PAN3: variants seen among roughly 807,000 people sequenced by gnomAD.
PAN3 encodes PAN2-PAN3 deadenylation complex subunit PAN3.
In PAN3, 19 loss-of-function variants were observed where a neutral mutation model predicts 96.2. The ratio of observed to expected loss-of-function variants is 0.20; its 90% CI spans 0.14 to 0.29. The LOEUF (loss-of-function observed/expected upper bound fraction) is 0.29, where lower values mean the gene tolerates loss of function less well. Ranked by LOEUF, PAN3 falls within the 10% of genes least tolerant of loss-of-function variation. The probability of loss-of-function intolerance (pLI) is 1.00; values close to 1 mark genes in which losing one functional copy is unlikely to be tolerated. For synonymous variants in PAN3, 433 were observed against 406.6 expected (o/e 1.06, Z -0.78); for missense variants, 882 against 1,108.1 (o/e 0.80, Z 2.90).
intron 5 of PAN3, among the ~76,000 whole-genome samples, chr13:28,214,296 T>C (rs1451972781): frequency 1.3e-5 from 2 of 152,190 alleles, no homozygotes; most frequent in Non-Finnish European, 2.9e-5. Flanking sequence ...TTATTTGTAA[T>C]AGCCAAAACT....
In PAN3 at chr13:28,261,450, A is replaced by G; in HGVS notation, c.1403A>G (p.Asp468Gly). The stretch of plus-strand genomic sequence containing the variant: ...ACAATGGCTCAAATTGATCAAGCAG[A>G]TATGCCAGGTAAAAAGCAAGTTGAT... ...LITMAQIDQADMPAVPTEVDS... is the reference protein window; with the variant it reads ...LITMAQIDQAGMPAVPTEVDS... Residue 468 changes from aspartate (D) to glycine (G), a missense_variant, in exon 9 of 19, where the codon GAT (aspartate) becomes GGT (glycine). This residue lies in a region of PAN3 where 364 missense variants were observed against 513.6 expected (regional missense o/e 0.71). Transcript: ENST00000380958. 6.2e-7 allele frequency: 1 copy of G among 1,610,608 alleles called. No homozygotes were observed. The highest frequency in any genetic ancestry group is 8.5e-7 in the Non-Finnish European group (1 of 1,178,054).
intron 1 of PAN3, among the ~76,000 whole-genome samples, chr13:28,166,958 GAGT>G (rs1230929633): frequency 6.6e-6 from 1 of 152,162 alleles, no homozygotes; most frequent in Non-Finnish European, 1.5e-5. Context: ...CTGTGGTAGG[GAGT>G]AGCAGCCTTG....
At chr13:28,285,050 T>A (rs1348362433) in intron 17 of PAN3, among the ~76,000 whole-genome samples, 1 of 152,196 alleles carries the variant, frequency 6.6e-6, no homozygotes, top group East Asian at 1.9e-4. Flanking sequence ...CTTTATATAG[T>A]TATAGCAATA....
intron 1 of PAN3, among the ~76,000 whole-genome samples, chr13:28,163,934 A>G (rs1019251786): frequency 1.3e-5 from 2 of 152,130 alleles, no homozygotes; most frequent in African/African-American, 4.8e-5. Flanking sequence ...TAATTAAACG[A>G]AAAGTTTTAT....
intron 1 of PAN3, among the ~76,000 whole-genome samples, chr13:28,152,132 T>G (rs1245570484): frequency 6.6e-6 from 1 of 152,188 alleles, no homozygotes; most frequent in Admixed American, 6.5e-5. Flanking sequence ...GCCATATATA[T>G]ATTTGCATAC....
Position 28,197,231 on chromosome 13 carries a change from T to A in PAN3, c.737T>A (p.Met246Lys), listed in dbSNP as rs989918874. The A allele has an allele frequency of 1.2e-6, 2 of 1,613,542 alleles. No homozygotes were observed. Among genetic ancestry groups the A allele is most frequent in the Non-Finnish European group, 1.7e-6 (2 of 1,179,748 alleles). Residue 246 changes from methionine (M) to lysine (K), a missense_variant, in exon 5 of 19, where the codon ATG becomes AAG. Transcript: ENST00000380958. Reference protein sequence around the residue: ...LGMLEERLVPMGSKARKAKNP... With the variant: ...LGMLEERLVPKGSKARKAKNP... ...ATGCTGGAGGAGAGGCTAGTTCCGATGGGATCAAAGGCACGAAAAGCAAAG... is the reference window on the plus strand; with the variant it reads ...ATGCTGGAGGAGAGGCTAGTTCCGAAGGGATCAAAGGCACGAAAAGCAAAG...
chr13:28,215,871 GCC>G lies in PAN3; in HGVS notation c.853-4358_853-4357del, dbSNP rs1306474225. ...TGGAGCTGGCAAGGTCACCAGGTTT[GCC>G]CAGAAATCTCAGAAGGCTAAATGAA... On this transcript the variant is annotated intron_variant, in intron 5 of 18. Transcript: ENST00000380958. 41 of 1,362,248 alleles carry G rather than the reference GCC, an allele frequency of 3.0e-5. No individual in the cohort carries two copies. The Admixed American group carries it at 6.6e-4, about 22-fold the overall frequency. 84.4% of individuals were successfully genotyped at this position (1,362,248 alleles called of 1,614,324 possible).
chr13:28,253,149 A>G (rs567788208), intron 6 of PAN3, among the ~76,000 whole-genome samples: 1 of 152,346 alleles, frequency 6.6e-6, no homozygotes, highest in Admixed American at 6.5e-5. Flanking sequence ...TAAACATTAA[A>G]TAATATGCAA....
At chr13:28,213,331 A>G (rs770265440) in intron 5 of PAN3, among the ~76,000 whole-genome samples, 8 of 152,310 alleles carry the variant, frequency 5.3e-5, no homozygotes, top group Non-Finnish European at 5.9e-5. Context: ...GGATTTTGGT[A>G]TCTGCAGAGG....
At position 28,294,266 on chromosome 13, in the gene PAN3, G is replaced by C. The variant is rs1286299963; in HGVS notation, c.*1744G>C. 2 of 152,556 alleles carry C rather than the reference G, an allele frequency of 1.3e-5. No homozygotes were observed. The highest frequency in any genetic ancestry group is 2.9e-5 in the Non-Finnish European group (2 of 68,020). The allele number at this position is 152,556 out of a possible 1,614,324, so 9.5% of individuals were successfully genotyped here. A position where few individuals can be genotyped will look rare whatever the true frequency, so the allele number is the denominator to read the frequency against. ...AATATTAAAAGGATAATTCACATTT[G>C]CCACCATAATGTTCTTTTTTATGTA... On this transcript the variant is annotated 3_prime_UTR_variant, in exon 19 of 19. Transcript: ENST00000380958.
chr13:28,149,643 G>A (rs1300360133), intron 1 of PAN3, among the ~76,000 whole-genome samples: 1 of 149,756 alleles, frequency 6.7e-6, no homozygotes, highest in East Asian at 1.9e-4. Flanking sequence ...TAGAGGTCTT[G>A]CTCTGTCACC....
intron 5 of PAN3, among the ~76,000 whole-genome samples, chr13:28,200,988 C>G (rs1036977685): frequency 6.6e-6 from 1 of 151,968 alleles, no homozygotes; most frequent in East Asian, 1.9e-4. Context: ...TTATTGAGCA[C>G]TTAATATTGC....
chr13:28,267,020 A>T (rs781528293), intron 10 of PAN3, 75 bp from the exon 11 acceptor site: 1,050 of 1,406,354 alleles, frequency 7.5e-4, no homozygotes, highest in Non-Finnish European at 9.8e-4. Context: ...AAATATGGCA[A>T]TTTTTTTCCA....
intron 1 of PAN3, among the ~76,000 whole-genome samples, chr13:28,162,305 G>C (rs1593385756): frequency 6.6e-6 from 1 of 152,184 alleles, no homozygotes; most frequent in Non-Finnish European, 1.5e-5. Context: ...ATCTGCTGAG[G>C]GGGTAGAGGA....
At chr13:28,287,858 A>T in intron 17 of PAN3, 126 bp from the exon 18 acceptor site, 2 of 847,902 alleles carry the variant, frequency 2.4e-6, no homozygotes, top group Non-Finnish European at 3.6e-6. Flanking sequence ...AAAACACTGT[A>T]CCAGACTCCC....
At chr13:28,236,092 T>A (rs1413280903) in intron 6 of PAN3, among the ~76,000 whole-genome samples, 1 of 152,172 alleles carries the variant, frequency 6.6e-6, no homozygotes, top group Non-Finnish European at 1.5e-5. Context: ...TGTGGTATTT[T>A]ATCCTTTATT....
At chr13:28,139,684 A>T (rs1372709380) in intron 1 of PAN3, among the ~76,000 whole-genome samples, 1 of 152,050 alleles carries the variant, frequency 6.6e-6, no homozygotes, top group Non-Finnish European at 1.5e-5. Flanking sequence ...GAGGGAGCGG[A>T]CTGTCGCGTT....
Position 28,260,633 on chromosome 13 carries a change from A to G in PAN3, c.1353+82A>G, listed in dbSNP as rs1320045596. On this transcript the variant is annotated intron_variant, in intron 8 of 18. Coordinates refer to ENST00000380958, the MANE Select transcript of PAN3 (RefSeq NM_175854.8). ...AGGGGAAAGAACAGAGCTCTTTTCAAATCATATTATTTAATCAAATATGCT... is the reference window on the plus strand; with the variant it reads ...AGGGGAAAGAACAGAGCTCTTTTCAGATCATATTATTTAATCAAATATGCT... 62 of 1,134,720 alleles carry G rather than the reference A, an allele frequency of 5.5e-5. No homozygotes were observed. In the South Asian group the frequency reaches 7.5e-4, roughly 14 times the overall value. The allele number at this position is 1,134,720 out of a possible 1,614,324, so 70.3% of individuals were successfully genotyped here.
intron 1 of PAN3, among the ~76,000 whole-genome samples, chr13:28,146,325 T>TCTCTCA (rs1870640082): frequency 6.6e-6 from 1 of 150,882 alleles, no homozygotes; most frequent in African/African-American, 2.5e-5. Flanking sequence ...TCTCTCTCTC[T>TCTCTCA]CATATTAGCT....
Sources: allele counts gnomAD v4.1 joint callset (sites outside exome capture counted in the v4.1 genomes callset), GRCh38; gene constraint gnomAD v4.1.1; regional missense constraint gnomAD v4.1.1; transcripts MANE v1.5; gene names NCBI Gene and HGNC (gene_info 2026-07-23, HGNC 2026-07-21).